DIS3L2: variants seen among roughly 807,000 people sequenced by gnomAD.
The protein encoded by DIS3L2 is DIS3-like exonuclease 2.
In DIS3L2, 34 loss-of-function variants were observed where a neutral mutation model predicts 97.5. The observed-to-expected ratio is 0.35, with a 90% CI of 0.27 to 0.46. DIS3L2 has a LOEUF of 0.46. Ranked by LOEUF, DIS3L2 falls within the 20% of genes least tolerant of loss-of-function variation. DIS3L2 has a pLI of 1.00. For synonymous variants in DIS3L2, 435 were observed against 445.2 expected (o/e 0.98, Z 0.29); for missense variants, 1,038 against 1,146.0 (o/e 0.91, Z 1.36).
At chr2:231,980,506 G>A (rs1693221044) in intron 1 of DIS3L2, among the ~76,000 whole-genome samples, 3 of 152,040 alleles carry the variant, frequency 2.0e-5, no homozygotes, top group Admixed American at 2.0e-4. Context: ...AGACCAGCCT[G>A]GCCAATATGG....
At chr2:232,079,702 C>G (rs1574857962) in intron 5 of DIS3L2, among the ~76,000 whole-genome samples, 2 of 150,312 alleles carry the variant, frequency 1.3e-5, no homozygotes, top group African/African-American at 4.9e-5. Flanking sequence ...TTACTGTGAT[C>G]AGGGAAGTGT....
intron 6 of DIS3L2, among the ~76,000 whole-genome samples, chr2:232,122,037 A>G (rs763694373): frequency 5.9e-5 from 9 of 152,006 alleles, no homozygotes; most frequent in African/African-American, 2.2e-4. Context: ...AAGCTTCCCA[A>G]TACTTTAATC....
At chr2:232,277,735 G>A (rs4396706) in intron 13 of DIS3L2, among the ~76,000 whole-genome samples, 3,408 of 152,216 alleles carry the variant, frequency 0.022, 112 homozygotes, top group African/African-American at 0.077. Context: ...ATGTCGTTAA[G>A]TGATTTTGTC....
intron 6 of DIS3L2, among the ~76,000 whole-genome samples, chr2:232,102,298 G>A (rs1697227081): frequency 6.6e-6 from 1 of 152,188 alleles, no homozygotes; most frequent in Admixed American, 6.5e-5. Flanking sequence ...AAAAGCAAGA[G>A]AGACATAACT....
At chr2:231,986,478 A>T (rs1693417906) in intron 1 of DIS3L2, among the ~76,000 whole-genome samples, 1 of 152,144 alleles carries the variant, frequency 6.6e-6, no homozygotes, top group Non-Finnish European at 1.5e-5. Context: ...GTCCCCTTCT[A>T]GTACAGGGGC....
chr2:232,156,216 A>G (rs1396941054), intron 8 of DIS3L2, among the ~76,000 whole-genome samples: 1 of 152,098 alleles, frequency 6.6e-6, no homozygotes, highest in Non-Finnish European at 1.5e-5. Context: ...TCAGTTCTTC[A>G]TTAGGTATTT....
At chr2:232,086,632 CATAT>C (rs66493057) in intron 5 of DIS3L2, among the ~76,000 whole-genome samples, 2 of 69,234 alleles carry the variant, frequency 2.9e-5, no homozygotes, top group East Asian at 1.7e-3. Context: ...TATATATACA[CATAT>C]ATATATATGT....
chr2:232,191,038 CA>C, intron 9 of DIS3L2, among the ~76,000 whole-genome samples: 1 of 152,246 alleles, frequency 6.6e-6, no homozygotes, highest in South Asian at 2.1e-4. Flanking sequence ...TTGGATATCT[CA>C]AGAGTCATGT....
chr2:231,997,331 C>A (rs892843540), intron 1 of DIS3L2, among the ~76,000 whole-genome samples: 4 of 152,148 alleles, frequency 2.6e-5, no homozygotes, highest in African/African-American at 4.8e-5. Flanking sequence ...TCTTTTAAAT[C>A]CTCAAAATAT....
At chr2:232,290,690 G>C (rs557762703) in intron 13 of DIS3L2, among the ~76,000 whole-genome samples, 1 of 152,348 alleles carries the variant, frequency 6.6e-6, no homozygotes, top group Admixed American at 6.5e-5. Context: ...AATGAGAACA[G>C]AGCAAGCCTC....
rs376047668 is a variant in DIS3L2 at position 232,319,221 on chromosome 2, C to T, written c.1740-10592C>T. On this transcript the variant is annotated intron_variant, in intron 14 of 20. Coordinates refer to ENST00000325385, the MANE Select transcript of DIS3L2 (RefSeq NM_152383.5). ...CCAGCACCCTACCACACTGGCCTTC[C>T]CATGTGGGGTGCACACGACACTGTG... Among the ~76,000 whole-genome samples, 45 of 152,290 alleles carry T rather than the reference C, an allele frequency of 3.0e-4. No homozygotes were observed. In the South Asian group the frequency reaches 9.1e-3, roughly 31 times the overall value.
Position 232,281,266 on chromosome 2 carries a change from G to T in DIS3L2, c.1659+17826G>T, listed in dbSNP as rs1694277882. On this transcript the variant is annotated intron_variant, in intron 13 of 20. Coordinates refer to ENST00000325385, the MANE Select transcript of DIS3L2 (RefSeq NM_152383.5). The surrounding 1 kb of genome is among the most constrained non-coding windows in gnomAD (Gnocchi z 4.1). ...TACAAAAAATTAGCCGGGCGTGGTG[G>T]CGGGCGCCTGTGGTCCCAGCTATTT... 6.6e-6 allele frequency among the ~76,000 whole-genome samples: 1 copy of T among 152,210 alleles called. No individual in the cohort carries two copies. The highest frequency in any genetic ancestry group is 2.4e-5 in the African/African-American group (1 of 41,450).
chr2:232,339,528 C>G (rs1050182972), downstream of DIS3L2, among the ~76,000 whole-genome samples: 8 of 152,172 alleles, frequency 5.3e-5, no homozygotes, highest in Non-Finnish European at 1.2e-4. Context: ...TGTGTGTGGC[C>G]TGAGGACAGT....
At chr2:232,105,076 C>T (rs372257742) in intron 6 of DIS3L2, among the ~76,000 whole-genome samples, 1 of 152,148 alleles carries the variant, frequency 6.6e-6, no homozygotes, top group Non-Finnish European at 1.5e-5. Context: ...CCCTGGCCCC[C>T]CAAAGTGCTG....
At chr2:232,019,559 T>C (rs1266084134) in intron 3 of DIS3L2, among the ~76,000 whole-genome samples, 221 of 1,868 alleles carry the variant, frequency 0.12, 2 homozygotes, top group African/African-American at 0.31. Context: ...CTCTCTCTCT[T>C]TTTTTTTTTT....
chr2:232,249,840 G>A (rs1163478569), intron 12 of DIS3L2, among the ~76,000 whole-genome samples: 1 of 152,202 alleles, frequency 6.6e-6, no homozygotes, highest in African/African-American at 2.4e-5. Context: ...TTGTAGAAAG[G>A]TCAGTGGTGC....
rs755587493 is a variant in DIS3L2, at chr2:232,334,394, G to A, written c.2184G>A (p.Ala728=). ...GCTATAGGGAGCGACTAGACATGGC[G>A]CCCGATACCCTGCAGAAACAGGCGG... ...ALGYRERLDM[A]PDTLQKQADH... is the part of the protein sequence containing the mutation. Residue 728 remains alanine (A), a synonymous_variant, in exon 18 of 21, where the codon GCG becomes GCA. Transcript: ENST00000325385. The A allele has an allele frequency of 3.3e-5, 53 of 1,613,482 alleles. No individual in the cohort carries two copies. The South Asian group carries it at 3.8e-4, about 12-fold the overall frequency.
chr2:232,333,329 C>T (rs1250478000), intron 16 of DIS3L2, among the ~76,000 whole-genome samples: 4 of 150,586 alleles, frequency 2.7e-5, no homozygotes, highest in East Asian at 3.9e-4. Flanking sequence ...CCCCACCCCC[C>T]GCCGCTACCT....
At position 232,015,772 on chromosome 2, in the gene DIS3L2, A is replaced by G. The variant is rs558892742; in HGVS notation, c.210+101A>G. 1.7e-4 allele frequency: 230 copies of G among 1,385,568 alleles called. No homozygotes were observed. In the Middle Eastern group the frequency reaches 2.5e-3, roughly 15 times the overall value. The allele number at this position is 1,385,568 out of a possible 1,614,324, so 85.8% of individuals were successfully genotyped here. A position where few individuals can be genotyped will look rare whatever the true frequency, so the allele number is the denominator to read the frequency against. ...TGTGCTATATGCTTTCAGAGAGACG[A>G]TGATGTAACAGGTGCAGGGCTGTTA... is the stretch of plus-strand genomic sequence containing the variant. On this transcript the variant is annotated intron_variant, in intron 3 of 20. Coordinates refer to ENST00000325385, the MANE Select transcript of DIS3L2 (RefSeq NM_152383.5).
Sources: allele counts gnomAD v4.1 joint callset (sites outside exome capture counted in the v4.1 genomes callset), GRCh38; gene constraint gnomAD v4.1.1; non-coding constraint Gnocchi (gnomAD v3.1); transcripts MANE v1.5; gene names NCBI Gene and HGNC (gene_info 2026-07-23, HGNC 2026-07-21).